The following SYNPR variants were observed in gnomAD, a reference collection of about 807,000 sequenced individuals.
The protein encoded by SYNPR is synaptoporin.
SYNPR carries 23 observed loss-of-function variants against 32.9 expected under a neutral mutation model. That is an observed-to-expected ratio of 0.70 (90% CI 0.50 to 0.99). SYNPR has a LOEUF of 0.99. Ranked by LOEUF, SYNPR falls within the 50% of genes least tolerant of loss-of-function variation. The pLI is 0.00. For missense variants in SYNPR, 318 were observed against 349.3 expected (o/e 0.91, Z 0.71); for synonymous variants, 146 against 135.9 (o/e 1.07, Z -0.52).
rs147900119 is a variant in SYNPR, at chr3:63,487,032, G to A, written c.209+6076G>A. Among the ~76,000 whole-genome samples, 1,452 of 152,130 alleles carry A rather than the reference G, an allele frequency of 9.5e-3. 21 individuals carry two copies. The highest frequency in any genetic ancestry group is 0.032 in the African/African-American group (1,342 of 41,506). On this transcript the variant is annotated intron_variant, in intron 3 of 5. Coordinates refer to ENST00000478300, the MANE Select transcript of SYNPR (RefSeq NM_001130003.2). ...CATCCCAAATATATTCTCCAAATTT[G>A]GTGATAAACCTTACAACCTTTCTCC...
chr3:63,577,920 G>A (rs1044361027), intron 4 of SYNPR, among the ~76,000 whole-genome samples: 5 of 152,104 alleles, frequency 3.3e-5, no homozygotes, highest in African/African-American at 1.2e-4. Context: ...TGGTAATAGA[G>A]GCAAGGAGGG....
intron 2 of SYNPR, among the ~76,000 whole-genome samples, chr3:63,356,264 C>T (rs2087576379): frequency 6.6e-6 from 1 of 152,226 alleles, no homozygotes; most frequent in Admixed American, 6.5e-5. Context: ...TGGAGCTTAT[C>T]TTACCAAATA....
chr3:63,345,719 G>T (rs1397842530), intron 2 of SYNPR, among the ~76,000 whole-genome samples: 1 of 152,204 alleles, frequency 6.6e-6, no homozygotes, highest in Non-Finnish European at 1.5e-5. Context: ...AGAAAGGTGA[G>T]AAGTGGATCT....
intron 2 of SYNPR, among the ~76,000 whole-genome samples, chr3:63,280,483 AC>A (rs2086617981): frequency 6.6e-6 from 1 of 151,508 alleles, no homozygotes. Context: ...ATTTCTATTC[AC>A]ACTGTATGGA....
At chr3:63,276,671 G>C (rs1005818342), upstream of SYNPR, among the ~76,000 whole-genome samples, 1 of 129,746 alleles carries the variant, frequency 7.7e-6, no homozygotes, top group African/African-American at 3.0e-5. Flanking sequence ...TGAAACAACT[G>C]TTTCTAATTG....
At chr3:63,565,582 A>G (rs1012940103) in intron 4 of SYNPR, among the ~76,000 whole-genome samples, 12 of 152,190 alleles carry the variant, frequency 7.9e-5, no homozygotes, top group African/African-American at 2.7e-4. Context: ...TAAGTGCCCT[A>G]CTTCTTAATA....
intron 2 of SYNPR, among the ~76,000 whole-genome samples, chr3:63,430,598 A>G (rs980342478): frequency 2.0e-5 from 3 of 152,198 alleles, no homozygotes; most frequent in Admixed American, 1.3e-4. Context: ...TGTTTTGCTG[A>G]GGATTTATTG....
chr3:63,246,265 A>G (rs1330654138), intron 1 of SYNPR, among the ~76,000 whole-genome samples: 1 of 152,130 alleles, frequency 6.6e-6, no homozygotes, highest in African/African-American at 2.4e-5. Flanking sequence ...TACCTTTTAA[A>G]TCAAACTCCC....
chr3:63,500,224 C>T (rs78428616), intron 3 of SYNPR, among the ~76,000 whole-genome samples: 195 of 152,226 alleles, frequency 1.3e-3, no homozygotes, highest in South Asian at 3.5e-3. Context: ...TTACCCCATC[C>T]TAAACGATAA....
chr3:63,495,756 A>G lies in SYNPR; in HGVS notation c.209+14800A>G, dbSNP rs139735155. Among the ~76,000 whole-genome samples, 55 of 152,274 alleles carry G rather than the reference A, an allele frequency of 3.6e-4. No homozygotes were observed. In the East Asian group the frequency reaches 9.8e-3, roughly 27 times the overall value. On this transcript the variant is annotated intron_variant, in intron 3 of 5. Coordinates refer to ENST00000478300, the MANE Select transcript of SYNPR (RefSeq NM_001130003.2). ...ATCCTTTTAGCAAAACTATGGAGAC[A>G]GTAAAAAGATCAGTGGTGGCCAAAG...
In SYNPR at chr3:63,305,921, G is replaced by A. The variant is rs193152931; in HGVS notation, c.84+27179G>A. ...GCTAAAGATGTTAAAACCATATTTG[G>A]TCATTCAGTGTCCTCCCATGCCAGT... On this transcript the variant is annotated intron_variant, in intron 2 of 5. Coordinates refer to ENST00000478300, the MANE Select transcript of SYNPR (RefSeq NM_001130003.2). 2.3e-3 allele frequency among the ~76,000 whole-genome samples: 350 copies of A among 151,974 alleles called. 1 individual carries two copies. The highest frequency in any genetic ancestry group is 8.1e-3 in the African/African-American group (335 of 41,488).
chr3:63,291,811 T>A (rs2086741846), intron 2 of SYNPR, among the ~76,000 whole-genome samples: 5 of 150,540 alleles, frequency 3.3e-5, no homozygotes, highest in Admixed American at 2.7e-4. Context: ...GAAGTATAAA[T>A]ATTGTAGTTT....
At chr3:63,245,735 G>GTA in intron 1 of SYNPR, among the ~76,000 whole-genome samples, 1 of 93,490 alleles carries the variant, frequency 1.1e-5, no homozygotes, top group South Asian at 2.9e-4. Context: ...GTGTGTGTGT[G>GTA]TGTGTATGTG....
chr3:63,392,522 G>A (rs1449312887), intron 2 of SYNPR, among the ~76,000 whole-genome samples: 1 of 152,134 alleles, frequency 6.6e-6, no homozygotes, highest in Admixed American at 6.5e-5. Flanking sequence ...ATCCTCATAA[G>A]GCTGCTGTGA....
chr3:63,480,068 C>T (rs1701015288), intron 2 of SYNPR, among the ~76,000 whole-genome samples: 1 of 152,170 alleles, frequency 6.6e-6, no homozygotes, highest in Non-Finnish European at 1.5e-5. Flanking sequence ...TTGCTTATGT[C>T]CCCTCTTAGG....
chr3:63,607,002 T>C (rs775622471), intron 4 of SYNPR, among the ~76,000 whole-genome samples: 2 of 152,344 alleles, frequency 1.3e-5, no homozygotes, highest in Non-Finnish European at 2.9e-5. Context: ...ATATTATTAT[T>C]TGAACAAAGA....
intron 3 of SYNPR, among the ~76,000 whole-genome samples, chr3:63,530,204 A>C (rs1702085967): frequency 6.6e-6 from 1 of 152,100 alleles, no homozygotes; most frequent in Non-Finnish European, 1.5e-5. Flanking sequence ...TGAACAAAGA[A>C]CTCCCATATT....
intron 3 of SYNPR, among the ~76,000 whole-genome samples, chr3:63,497,604 C>T (rs1701397329): frequency 6.6e-6 from 1 of 150,980 alleles, no homozygotes; most frequent in Non-Finnish European, 1.5e-5. Flanking sequence ...ACAAACTTTG[C>T]CATTTCCAAA....
the SYNPR span, among the ~76,000 whole-genome samples, chr3:63,209,081 A>C: frequency 6.6e-6 from 1 of 152,024 alleles, no homozygotes; most frequent in African/African-American, 2.4e-5. Flanking sequence ...AAAACATATC[A>C]CTCATCTGGA....
Sources: allele counts gnomAD v4.1 joint callset (sites outside exome capture counted in the v4.1 genomes callset), GRCh38; gene constraint gnomAD v4.1.1; transcripts MANE v1.5; gene names NCBI Gene and HGNC (gene_info 2026-07-23, HGNC 2026-07-21).